Variants in ABCF2 observed in about 807,000 individuals in gnomAD.
ABCF2 encodes ATP-binding cassette sub-family F member 2.
Under a neutral mutation model 76.9 loss-of-function variants are expected in ABCF2, and 37 were observed. That is an observed-to-expected ratio of 0.48 (90% CI 0.37 to 0.63). The LOEUF is 0.63. Among genes scored for constraint, ABCF2 ranks in the 30% least tolerant of loss-of-function variants. The pLI is 0.00. For synonymous variants in ABCF2, 299 were observed against 283.7 expected, an observed-to-expected ratio of 1.05 and a Z score of -0.54; for missense variants, 524 against 782.1, an observed-to-expected ratio of 0.67 and a Z score of 3.94.
rs775473088 is a variant in ABCF2, at chr7:151,224,815, A to T, written c.328T>A (p.Ser110Thr). The change falls in exon 3 of 15, where the codon TCA (serine) becomes ACA (threonine). Residue 110 changes from serine to threonine, a missense_variant. Around this residue, in one of 2 missense-constraint regions of ABCF2, gnomAD observed 330 missense variants for 433.6 expected, o/e 0.76. Coordinates refer to ENST00000287844, the MANE Select transcript of ABCF2 (RefSeq NM_007189.3). Reference sequence around the variant, plus strand: ...CCAATGAGGCCATAACGACGGCCTGAGTTTAATTCCAGTTTGGTGTCACTG... The same window carrying T: ...CCAATGAGGCCATAACGACGGCCTGTGTTTAATTCCAGTTTGGTGTCACTG... ...LLSDTKLELNSGRRYGLIGLN... is the reference protein window; with the variant it reads ...LLSDTKLELNTGRRYGLIGLN... 1.9e-6 allele frequency: 3 copies of T among 1,614,148 alleles called. No homozygotes were observed. The highest frequency in any genetic ancestry group is 2.5e-6 in the Non-Finnish European group (3 of 1,180,024).
At chr7:151,226,796 G>C in intron 1 of ABCF2, 1 of 208,760 alleles carries the variant, frequency 4.8e-6, no homozygotes, top group Non-Finnish European at 9.6e-6. Context: ...GCCCCTCAGC[G>C]GAGGTCTCCG....
At chr7:151,225,139 G>A (rs1235889077) in intron 2 of ABCF2, 151 bp from the exon 3 acceptor site, 6 of 714,376 alleles carry the variant, frequency 8.4e-6, no homozygotes, top group East Asian at 5.3e-5. Flanking sequence ...GAGCTGCCCC[G>A]ACACCCTGCT....
Position 151,223,755 on chromosome 7 carries a change from C to A in ABCF2, c.645G>T (p.Leu215=). The A allele has an allele frequency of 6.2e-7, 1 of 1,613,718 alleles. No individual in the cohort carries two copies. Among genetic ancestry groups the A allele is most frequent in the Non-Finnish European group, 8.5e-7 (1 of 1,179,796 alleles). Residue 215 remains leucine (L), a synonymous_variant, in exon 5 of 15, where the codon CTG becomes CTT. Coordinates refer to ENST00000287844, the MANE Select transcript of ABCF2 (RefSeq NM_007189.3). ...EMRASRILHG[L]GFTPAMQRKK... is the part of the protein sequence containing the mutation. ...TGCGCTGCATGGCAGGTGTGAAACC[C>A]AGTCCATGCAAGATCCGCGAGGCCC...
chr7:151,219,164 A>G lies in ABCF2; in HGVS notation c.922-5T>C. On this transcript the variant is annotated splice_region_variant and splice_polypyrimidine_tract_variant and intron_variant, in intron 7 of 14. Coordinates refer to ENST00000287844, the MANE Select transcript of ABCF2 (RefSeq NM_007189.3). ...CACGTACTGATCATAATTACCCTGCATGGAAATGTGCCAGGTAAGGCAGGC... is the reference window on the plus strand; with the variant it reads ...CACGTACTGATCATAATTACCCTGCGTGGAAATGTGCCAGGTAAGGCAGGC... 1 of 1,613,412 alleles carries G rather than the reference A, an allele frequency of 6.2e-7. No homozygotes were observed. The highest frequency in any genetic ancestry group is 8.5e-7 in the Non-Finnish European group (1 of 1,179,450).
intron 5 of ABCF2, among the ~76,000 whole-genome samples, 188 bp from the exon 6 acceptor site, chr7:151,222,804 T>C (rs978140247): frequency 7.9e-5 from 12 of 151,976 alleles, no homozygotes; most frequent in African/African-American, 2.4e-4. Context: ...AGAGAAGAGA[T>C]TGAAGAGTAG....
Position 151,224,007 on chromosome 7 carries a change from A to G in ABCF2, c.475T>C (p.Leu159=). The change falls in exon 4 of 15, where the codon TTG becomes CTG. Residue 159 remains leucine, a synonymous_variant. Coordinates refer to ENST00000287844, the MANE Select transcript of ABCF2 (RefSeq NM_007189.3). ...REMPPSDKTP[L]HCVMEVDTER... ...GTGTCGACTTCCATCACACAATGCA[A>G]GGGTGTCTTGTCACTAGGGGGCATC... is the stretch of plus-strand genomic sequence containing the variant. 6.2e-7 allele frequency: 1 copy of G among 1,614,132 alleles called. No individual in the cohort carries two copies. The highest frequency in any genetic ancestry group is 8.5e-7 in the Non-Finnish European group (1 of 1,180,000).
Position 151,214,057 on chromosome 7 carries a change from C to A in ABCF2, c.1869G>T (p.Val623=). 6.2e-7 allele frequency: 1 copy of A among 1,613,690 alleles called. No individual in the cohort carries two copies. The highest frequency in any genetic ancestry group is 8.5e-7 in the Non-Finnish European group (1 of 1,179,930). Residue 623 remains valine (V), a synonymous_variant, in exon 15 of 15, where the codon GTG becomes GTT. Coordinates refer to ENST00000287844, the MANE Select transcript of ABCF2 (RefSeq NM_007189.3). This position sits in a 1 kb window ranked among gnomAD's most constrained non-coding sequence, Gnocchi z 4.9. ...GACCCGAACCCAGGTAGAGGGCTCA[C>A]ACGTTGTGGGTCCTCTTGGTGAGCT... The part of the protein sequence containing the change: ...EPQLTKRTHN[V]
rs768738372 is a variant in ABCF2 at position 151,226,504 on chromosome 7, A to T, written c.-42-4T>A. 1 of 1,593,258 alleles carries T rather than the reference A, an allele frequency of 6.3e-7. No individual in the cohort carries two copies. On this transcript the variant is annotated splice_polypyrimidine_tract_variant and splice_region_variant and intron_variant, in intron 1 of 14. Coordinates refer to ENST00000287844, the MANE Select transcript of ABCF2 (RefSeq NM_007189.3). ...GGTTACTGTTGTTTCAGGGAGCCTG[A>T]AGGAAGGCAAACAGATACCCCCAAA...
rs1802115235 is a variant in ABCF2 at position 151,214,668 on chromosome 7, A to G, written c.1734+211T>C. Among the ~76,000 whole-genome samples, 1 of 152,226 alleles carries G rather than the reference A, an allele frequency of 6.6e-6. No homozygotes were observed. Among genetic ancestry groups the G allele is most frequent in the African/African-American group, 2.4e-5 (1 of 41,466 alleles). On this transcript the variant is annotated intron_variant, in intron 14 of 14. Transcript: ENST00000287844. The surrounding 1 kb of genome is among the most constrained non-coding windows in gnomAD (Gnocchi z 4.9). ...AAATGCTAAGTTGGTTGACATCTCC[A>G]GATAGCTACTGAAGAAATGAAGTGT...
rs931173158 is a variant in ABCF2, at chr7:151,218,780, G to C, written c.1111C>G (p.Leu371Val). The change falls in exon 9 of 15, where the codon CTG becomes GTG. Residue 371 changes from leucine (L) to valine (V), a missense_variant. Leu to Val is a conservative substitution (Grantham distance 32). Transcript: ENST00000287844. ...TTATCGCTCACGACCCTCTCTGTCA[G>C]TCCTGATGCCATCATTTTCTGTAGC... ...KTLQKMMASG[L>V]TERVVSDKTL... 1 of 1,613,460 alleles carries C rather than the reference G, an allele frequency of 6.2e-7. No individual in the cohort carries two copies. The highest frequency in any genetic ancestry group is 8.5e-7 in the Non-Finnish European group (1 of 1,179,950).
In ABCF2 at chr7:151,212,652, G is replaced by C. The variant is rs76833570; in HGVS notation, c.*1402C>G. 1 of 216,512 alleles carries C rather than the reference G, an allele frequency of 4.6e-6. No individual in the cohort carries two copies. Among genetic ancestry groups the C allele is most frequent in the Non-Finnish European group, 7.9e-6 (1 of 127,072 alleles). The allele number at this position is 216,512 out of a possible 1,614,324, so 13.4% of individuals were successfully genotyped here. Reference sequence around the variant, plus strand: ...ACCGCAGGCACATGCTACTATGCCCGGTTCATTTTATTACTATTTGTAGAG... The same window carrying C: ...ACCGCAGGCACATGCTACTATGCCCCGTTCATTTTATTACTATTTGTAGAG... On this transcript the variant is annotated 3_prime_UTR_variant, in exon 15 of 15. Coordinates refer to ENST00000287844, the MANE Select transcript of ABCF2 (RefSeq NM_007189.3).
intron 7 of ABCF2, among the ~76,000 whole-genome samples, chr7:151,220,906 T>A (rs1465998507): frequency 6.6e-6 from 1 of 152,246 alleles, no homozygotes; most frequent in African/African-American, 2.4e-5. Flanking sequence ...AAGAATCGCT[T>A]GAATTCAGGA....
Position 151,215,678 on chromosome 7 carries a change from A to G in ABCF2, c.1456T>C (p.Cys486Arg). 2 of 1,614,128 alleles carry G rather than the reference A, an allele frequency of 1.2e-6. No homozygotes were observed. The highest frequency in any genetic ancestry group is 1.7e-6 in the Non-Finnish European group (2 of 1,180,024). The part of the protein sequence containing the change: ...DLSPLEYMMK[C>R]YPEIKEKEEM... ...TCCTTCTCCTTGATCTCTGGGTAGC[A>G]CTTCATCATGTACTCCAAAGGTGAG... The change falls in exon 13 of 15, where the codon TGC (cysteine) becomes CGC (arginine). Residue 486 changes from cysteine (C) to arginine (R), a missense_variant. Cys to Arg is a radical substitution (Grantham distance 180). Transcript: ENST00000287844. This position sits in a 1 kb window ranked among gnomAD's most constrained non-coding sequence, Gnocchi z 4.6.
Position 151,218,202 on chromosome 7 carries a change from G to A in ABCF2, c.1228-11C>T, listed in dbSNP as rs754146337. ...ATTGTAGATGCAAGGCTGAGGTGGGGATGAGAGAGATGTGGACACAAGGCT... is the reference window on the plus strand; with the variant it reads ...ATTGTAGATGCAAGGCTGAGGTGGGAATGAGAGAGATGTGGACACAAGGCT... On this transcript the variant is annotated splice_polypyrimidine_tract_variant and intron_variant, in intron 10 of 14. Transcript: ENST00000287844. 6.4e-7 allele frequency: 1 copy of A among 1,562,540 alleles called. No homozygotes were observed. The highest frequency in any genetic ancestry group is 2.2e-5 in the East Asian group (1 of 44,662).
chr7:151,211,621 ACT>A lies in ABCF2; in HGVS notation c.*2431_*2432del. 1 of 985,030 alleles carries A rather than the reference ACT, an allele frequency of 1.0e-6. No individual in the cohort carries two copies. Among genetic ancestry groups the A allele is most frequent in the Non-Finnish European group, 1.2e-6 (1 of 829,800 alleles). The allele number at this position is 985,030 out of a possible 1,614,324, so 61.0% of individuals were successfully genotyped here. A position where few individuals can be genotyped will look rare whatever the true frequency, so the allele number is the denominator to read the frequency against. On this transcript the variant is annotated 3_prime_UTR_variant, in exon 15 of 15. Transcript: ENST00000287844. ...GAAGATCTCCTGTCCTAGTATGGAG[ACT>A]CTGGAGATCCCGAGACTACCTGAAT...
chr7:151,219,039 G>A (rs1802212778), intron 8 of ABCF2, 25 bp downstream of exon 8: 2 of 1,612,670 alleles, frequency 1.2e-6, no homozygotes, highest in African/African-American at 1.3e-5. Context: ...AGGAGGCCAT[G>A]AGCCTGACTC....
intron 2 of ABCF2, among the ~76,000 whole-genome samples, chr7:151,226,092 C>T (rs755542136): frequency 2.0e-5 from 3 of 152,206 alleles, no homozygotes; most frequent in Non-Finnish European, 1.5e-5. Context: ...CTCTCACATC[C>T]GCTTGCCACT....
At chr7:151,219,909 G>A (rs927509398) in intron 7 of ABCF2, among the ~76,000 whole-genome samples, 2 of 152,044 alleles carry the variant, frequency 1.3e-5, no homozygotes, top group African/African-American at 4.8e-5. Context: ...CAGCAGCCTA[G>A]CCAACATGGC....
rs1802130792 is a variant in ABCF2 at position 151,215,458 on chromosome 7, AG to A, written c.1530+145del. On this transcript the variant is annotated intron_variant, in intron 13 of 14. Transcript: ENST00000287844. This position sits in a 1 kb window ranked among gnomAD's most constrained non-coding sequence, Gnocchi z 4.6. ...TACATAACAACCTAGAGTAAAGAAA[AG>A]GTAGTAGGTTCTTAGGGGAGTCAAA... 1.0e-6 allele frequency: 1 copy of A among 987,714 alleles called. No homozygotes were observed. The highest frequency in any genetic ancestry group is 2.3e-5 in the Admixed American group (1 of 44,020). The allele number at this position is 987,714 out of a possible 1,614,324, so 61.2% of individuals were successfully genotyped here.
Sources: gnomAD v4.1 joint callset for allele counts (sites outside exome capture counted in the v4.1 genomes callset) on GRCh38, gnomAD v4.1.1 for gene constraint, gnomAD v4.1.1 regional missense constraint, Gnocchi (gnomAD v3.1) non-coding constraint, MANE v1.5 for transcripts, NCBI Gene and HGNC (gene_info 2026-07-23, HGNC 2026-07-21) for gene names.